RGS17: variants seen among roughly 807,000 people sequenced by gnomAD.
The protein encoded by RGS17 is regulator of G-protein signaling 17.
RGS17 carries 12 observed loss-of-function variants against 25.5 expected under a neutral mutation model. The observed-to-expected ratio is 0.47, with a 90% confidence interval of 0.30 to 0.76. RGS17 has a LOEUF of 0.76. Among genes scored for constraint, RGS17 ranks in the 30% least tolerant of loss-of-function variants. RGS17 has a pLI of 0.07. For missense variants in RGS17, 196 were observed against 242.2 expected (o/e 0.81, Z 1.27); for synonymous variants, 71 against 76.9 (o/e 0.92, Z 0.40).
At chr6:153,103,900 A>G (rs1210657618) in intron 1 of RGS17, among the ~76,000 whole-genome samples, 1 of 152,220 alleles carries the variant, frequency 6.6e-6, no homozygotes, top group African/African-American at 2.4e-5. Context: ...AACCATAATT[A>G]CCATCCAGCT....
intron 2 of RGS17, among the ~76,000 whole-genome samples, chr6:153,033,024 A>G (rs1584126285): frequency 6.6e-6 from 1 of 152,206 alleles, no homozygotes; most frequent in Middle Eastern, 3.2e-3. Flanking sequence ...GATTCTCCAC[A>G]CTATTTCAAT....
Position 153,111,117 on chromosome 6 carries a change from G to T in RGS17, c.-26+20007C>A, listed in dbSNP as rs182988856. ...AACTGTTCACTCCCCTGGAAAGGGG[G>T]CTGAAGCCAGGGAGCCAAGTGGTCT... is the stretch of plus-strand genomic sequence containing the variant. On this transcript the variant is annotated intron_variant, in intron 1 of 4. Transcript: ENST00000206262. Among the ~76,000 whole-genome samples, 78 of 152,222 alleles carry T rather than the reference G, an allele frequency of 5.1e-4. 1 individual carries two copies. Among genetic ancestry groups the T allele is most frequent in the African/African-American group, 1.8e-3 (74 of 41,534 alleles).
chr6:153,117,475 T>C (rs933845293), intron 1 of RGS17, among the ~76,000 whole-genome samples: 1 of 152,162 alleles, frequency 6.6e-6, no homozygotes, highest in Non-Finnish European at 1.5e-5. Flanking sequence ...TCATCCAATA[T>C]GAGAGGAAAA....
intron 1 of RGS17, among the ~76,000 whole-genome samples, chr6:153,063,320 A>G (rs1776664196): frequency 1.3e-5 from 2 of 152,224 alleles, no homozygotes; most frequent in Admixed American, 1.3e-4. Flanking sequence ...AGGAAACCCA[A>G]AGAAATTCAA....
At chr6:153,108,714 T>G (rs971715431) in intron 1 of RGS17, among the ~76,000 whole-genome samples, 16 of 149,088 alleles carry the variant, frequency 1.1e-4, no homozygotes, top group Non-Finnish European at 2.1e-4. Flanking sequence ...AAAATTCCCC[T>G]ACATTCCAAT....
At chr6:153,037,902 A>G (rs1200334140) in intron 2 of RGS17, among the ~76,000 whole-genome samples, 1 of 152,206 alleles carries the variant, frequency 6.6e-6, no homozygotes, top group Non-Finnish European at 1.5e-5. Flanking sequence ...ACTCGTATAA[A>G]AAATGGTTCA....
intron 1 of RGS17, among the ~76,000 whole-genome samples, chr6:153,044,495 G>C (rs2129110594): frequency 6.6e-6 from 1 of 152,288 alleles, no homozygotes; most frequent in South Asian, 2.1e-4. Flanking sequence ...AACTATATAA[G>C]AGTATGAGGA....
chr6:153,015,306 A>C (rs1046421190), intron 4 of RGS17, among the ~76,000 whole-genome samples: 19 of 152,238 alleles, frequency 1.2e-4, no homozygotes, highest in African/African-American at 4.6e-4. Flanking sequence ...TTTTGAAAGA[A>C]GCTCTACTGT....
chr6:153,064,295 TAGAC>T (rs1223029732), intron 1 of RGS17, among the ~76,000 whole-genome samples: 1 of 152,040 alleles, frequency 6.6e-6, no homozygotes, highest in Non-Finnish European at 1.5e-5. Context: ...TTTCAAGACA[TAGAC>T]AGTACAATAA....
intron 1 of RGS17, among the ~76,000 whole-genome samples, chr6:153,120,621 G>A (rs1054710414): frequency 6.6e-5 from 10 of 152,106 alleles, no homozygotes; most frequent in South Asian, 4.1e-4. Flanking sequence ...GCTCCCGCCC[G>A]GTAATCCTCC....
intron 1 of RGS17, among the ~76,000 whole-genome samples, chr6:153,060,319 C>T (rs1233814891): frequency 5.3e-5 from 8 of 152,330 alleles, no homozygotes; most frequent in African/African-American, 1.7e-4. Context: ...TATGTACAAG[C>T]TGGCTTCTCT....
At chr6:153,125,011 G>C (rs1562340688) in intron 1 of RGS17, among the ~76,000 whole-genome samples, 1 of 152,094 alleles carries the variant, frequency 6.6e-6, no homozygotes, top group Non-Finnish European at 1.5e-5. Context: ...TTTCACAAGA[G>C]ACTTCACTGG....
At chr6:153,063,796 A>T (rs1006334522) in intron 1 of RGS17, among the ~76,000 whole-genome samples, 22 of 152,220 alleles carry the variant, frequency 1.4e-4, no homozygotes, top group African/African-American at 5.3e-4. Context: ...AAGGGATTTA[A>T]TAAATAAATT....
intron 1 of RGS17, among the ~76,000 whole-genome samples, chr6:153,089,917 T>C (rs1475735339): frequency 6.6e-6 from 1 of 152,202 alleles, no homozygotes; most frequent in East Asian, 1.9e-4. Context: ...AAAGATAAAC[T>C]GTTAATAAAT....
At chr6:153,025,949 C>T (rs1326890705) in intron 3 of RGS17, among the ~76,000 whole-genome samples, 3 of 121,214 alleles carry the variant, frequency 2.5e-5, no homozygotes, top group African/African-American at 9.5e-5. Flanking sequence ...AAAGAAAGCA[C>T]TTACAATTAT....
intron 1 of RGS17, among the ~76,000 whole-genome samples, chr6:153,086,233 T>G (rs986229005): frequency 6.6e-6 from 1 of 152,194 alleles, no homozygotes; most frequent in Admixed American, 6.5e-5. Flanking sequence ...CAATATGAAT[T>G]GATTTTTGGA....
intron 1 of RGS17, among the ~76,000 whole-genome samples, chr6:153,071,239 CAT>C (rs1056439087): frequency 6.6e-6 from 1 of 151,050 alleles, no homozygotes; most frequent in African/African-American, 2.4e-5. Flanking sequence ...CACACATACA[CAT>C]AAACTATAAG....
At chr6:153,112,839 G>A (rs1481413283) in intron 1 of RGS17, among the ~76,000 whole-genome samples, 1 of 152,110 alleles carries the variant, frequency 6.6e-6, no homozygotes, top group Non-Finnish European at 1.5e-5. Context: ...CATAAGCAAA[G>A]GAGAATGACA....
At chr6:153,026,592 T>G in intron 2 of RGS17, 49 bp from the exon 3 acceptor site, 1 of 1,416,660 alleles carries the variant, frequency 7.1e-7, no homozygotes, top group South Asian at 1.2e-5. Context: ...TTCAATCAGT[T>G]GAAGAAAAGA....
Sources: allele counts gnomAD v4.1 joint callset (sites outside exome capture counted in the v4.1 genomes callset), GRCh38; gene constraint gnomAD v4.1.1; transcripts MANE v1.5; gene names NCBI Gene and HGNC (gene_info 2026-07-23, HGNC 2026-07-21).